The following NECAB1 variants were observed in gnomAD, a reference collection of about 807,000 sequenced individuals.
NECAB1 encodes N-terminal EF-hand calcium-binding protein 1.
Under a neutral mutation model 57.5 loss-of-function variants are expected in NECAB1, and 29 were observed. That is an observed-to-expected ratio of 0.50 (90% confidence interval 0.38 to 0.69). NECAB1 has a LOEUF of 0.69. Among genes scored for constraint, NECAB1 ranks in the 30% least tolerant of loss-of-function variants. NECAB1 has a pLI of 0.00. For synonymous variants in NECAB1, 142 were observed against 147.7 expected (o/e 0.96, Z 0.28); for missense variants, 372 against 413.8 (o/e 0.90, Z 0.88).
At chr8:90,845,020 C>G (rs12114679) in intron 3 of NECAB1, among the ~76,000 whole-genome samples, 1 of 151,996 alleles carries the variant, frequency 6.6e-6, no homozygotes, top group East Asian at 1.9e-4. Flanking sequence ...ACTGATGTTC[C>G]GGTTCACGTC....
rs1811044003 is a variant in NECAB1 at position 90,956,946 on chromosome 8, G to GTT, written c.*1435_*1436insTT. 2.0e-5 allele frequency: 1 copy of GTT among 49,966 alleles called. No homozygotes were observed. The highest frequency in any genetic ancestry group is 3.7e-5 in the Non-Finnish European group (1 of 27,356). The allele number at this position is 49,966 out of a possible 1,614,324, so 3.1% of individuals were successfully genotyped here. ...TTTGATATATTGTACATACACACGT[G>GTT]TGTGTGTGTGTGTGTGTGTGTGTGT... is the stretch of plus-strand genomic sequence containing the variant. On this transcript the variant is annotated 3_prime_UTR_variant, in exon 13 of 13. Coordinates refer to ENST00000417640, the MANE Select transcript of NECAB1 (RefSeq NM_022351.5).
At chr8:90,842,920 C>T (rs1334376966) in intron 3 of NECAB1, among the ~76,000 whole-genome samples, 1 of 152,114 alleles carries the variant, frequency 6.6e-6, no homozygotes, top group Non-Finnish European at 1.5e-5. Context: ...GTAAGGTTTA[C>T]CTCACTATTC....
At chr8:90,899,826 A>T (rs1809456286) in intron 5 of NECAB1, among the ~76,000 whole-genome samples, 1 of 152,232 alleles carries the variant, frequency 6.6e-6, no homozygotes, top group East Asian at 1.9e-4. Context: ...GCATGAAGCT[A>T]AACATAATAG....
chr8:90,860,196 G>C (rs1192970962), intron 3 of NECAB1, among the ~76,000 whole-genome samples: 1 of 151,550 alleles, frequency 6.6e-6, no homozygotes, highest in Non-Finnish European at 1.5e-5. Context: ...TTCTCAGGAG[G>C]GTCATGGCCC....
chr8:90,891,319 A>G (rs1272986622), intron 5 of NECAB1, among the ~76,000 whole-genome samples: 1 of 152,192 alleles, frequency 6.6e-6, no homozygotes, highest in Non-Finnish European at 1.5e-5. Flanking sequence ...TACTTCTCTC[A>G]TATCTACTTA....
In NECAB1 at chr8:90,824,829, A is replaced by C; in HGVS notation, c.233+4A>C. On this transcript the variant is annotated splice_donor_region_variant and intron_variant, in intron 3 of 12. Coordinates refer to ENST00000417640, the MANE Select transcript of NECAB1 (RefSeq NM_022351.5). ...CCATTGATACACATAATACTAAGTA[A>C]GAAACTTTTTTATCACTGGATTCCA... is the stretch of plus-strand genomic sequence containing the variant. The C allele has an allele frequency of 6.8e-7, 1 of 1,464,996 alleles. No individual in the cohort carries two copies. The highest frequency in any genetic ancestry group is 9.2e-7 in the Non-Finnish European group (1 of 1,082,296). The allele number at this position is 1,464,996 out of a possible 1,614,324, so 90.7% of individuals were successfully genotyped here.
intron 9 of NECAB1, among the ~76,000 whole-genome samples, chr8:90,937,923 G>A (rs1490561568): frequency 1.3e-5 from 2 of 152,148 alleles, no homozygotes; most frequent in South Asian, 2.1e-4. Context: ...ATGTAACAGC[G>A]ACTATCAAAA....
chr8:90,916,021 C>G (rs1406454211), intron 5 of NECAB1, among the ~76,000 whole-genome samples: 1 of 152,188 alleles, frequency 6.6e-6, no homozygotes, highest in African/African-American at 2.4e-5. Context: ...TCCTAGTCCA[C>G]TGACTCAAAT....
intron 1 of NECAB1, among the ~76,000 whole-genome samples, chr8:90,796,813 A>G (rs1472837931): frequency 6.6e-6 from 1 of 152,232 alleles, no homozygotes; most frequent in Non-Finnish European, 1.5e-5. Context: ...AATTTGCAGC[A>G]GAGACAGTTC....
chr8:90,880,017 A>G (rs576435134), intron 4 of NECAB1, among the ~76,000 whole-genome samples: 1 of 152,340 alleles, frequency 6.6e-6, no homozygotes, highest in African/African-American at 2.4e-5. Flanking sequence ...AAGTCTGTAC[A>G]CTAACTAATA....
At position 90,957,330 on chromosome 8, in the gene NECAB1, T is replaced by C. The variant is rs1353107621; in HGVS notation, c.*1818T>C. 6.6e-6 allele frequency: 1 copy of C among 151,856 alleles called. No individual in the cohort carries two copies. Among genetic ancestry groups the C allele is most frequent in the African/African-American group, 2.4e-5 (1 of 41,394 alleles). 9.4% of individuals were successfully genotyped at this position (151,856 alleles called of 1,614,324 possible). A position where few individuals can be genotyped will look rare whatever the true frequency, so the allele number is the denominator to read the frequency against. On this transcript the variant is annotated 3_prime_UTR_variant, in exon 13 of 13. Coordinates refer to ENST00000417640, the MANE Select transcript of NECAB1 (RefSeq NM_022351.5). The stretch of plus-strand genomic sequence containing the variant: ...TTAAGTATCCAACTCAAAAAGCATA[T>C]CAAATATTTTGGGTACTAGGCAGTT...
Position 90,822,534 on chromosome 8 carries a change from TAAG to T in NECAB1, c.125-2181_125-2179del, listed in dbSNP as rs543247995. Among the ~76,000 whole-genome samples the T allele has an allele frequency of 6.1e-3, 925 of 152,012 alleles. 6 individuals are homozygous for T. The highest frequency in any genetic ancestry group is 0.021 in the African/African-American group (861 of 41,518). On this transcript the variant is annotated intron_variant, in intron 2 of 12. Transcript: ENST00000417640. The stretch of plus-strand genomic sequence containing the variant: ...TTTCTTTTTATATATTTTTTTCTAA[TAAG>T]AGGATTTTTTTCTAAATAAAAGTCT...
At chr8:90,874,418 T>C (rs1322382338) in intron 4 of NECAB1, among the ~76,000 whole-genome samples, 1 of 152,250 alleles carries the variant, frequency 6.6e-6, no homozygotes, top group Non-Finnish European at 1.5e-5. Flanking sequence ...AAGTAATACA[T>C]AACTACTATT....
At chr8:90,858,615 C>G (rs1006181149) in intron 3 of NECAB1, among the ~76,000 whole-genome samples, 6 of 148,026 alleles carry the variant, frequency 4.1e-5, no homozygotes, top group African/African-American at 1.5e-4. Flanking sequence ...AAAAAATTCA[C>G]AATTTGAAGA....
chr8:90,876,912 G>A (rs1783515650), intron 4 of NECAB1, among the ~76,000 whole-genome samples: 1 of 152,122 alleles, frequency 6.6e-6, no homozygotes, highest in South Asian at 2.1e-4. Flanking sequence ...CCACATACAG[G>A]TTTCAACAAA....
chr8:90,926,285 C>A (rs116816916), intron 7 of NECAB1, among the ~76,000 whole-genome samples: 5 of 152,082 alleles, frequency 3.3e-5, no homozygotes, highest in Non-Finnish European at 5.9e-5. Flanking sequence ...CATTTTAACA[C>A]GAGTCTTTAT....
chr8:90,885,199 G>A (rs1808948122), intron 5 of NECAB1, among the ~76,000 whole-genome samples: 1 of 152,204 alleles, frequency 6.6e-6, no homozygotes. Context: ...GCGTAGATGA[G>A]TAGTTCAGGC....
intron 6 of NECAB1, among the ~76,000 whole-genome samples, chr8:90,918,623 T>G (rs539331890): frequency 1.2e-3 from 178 of 152,234 alleles, no homozygotes; most frequent in African/African-American, 3.3e-3. Context: ...AAGAGATCAG[T>G]GAAAAAGCCT....
At chr8:90,884,344 T>A (rs948517514) in intron 5 of NECAB1, among the ~76,000 whole-genome samples, 7 of 152,192 alleles carry the variant, frequency 4.6e-5, no homozygotes, top group Non-Finnish European at 1.0e-4. Context: ...CTAGTTTTTT[T>A]ATGTTGAGCA....
Sources: allele counts gnomAD v4.1 joint callset (sites outside exome capture counted in the v4.1 genomes callset), GRCh38; gene constraint gnomAD v4.1.1; transcripts MANE v1.5; gene names NCBI Gene and HGNC (gene_info 2026-07-23, HGNC 2026-07-21).